The following ATP8A2 variants were observed in gnomAD, a reference collection of about 807,000 sequenced individuals.
ATP8A2 encodes phospholipid-transporting ATPase IB.
A neutral mutation model predicts 165.6 loss-of-function variants in ATP8A2; 100 were observed. The observed-to-expected ratio is 0.60, with a 90% CI of 0.51 to 0.71. The LOEUF is 0.71. Among genes scored for constraint, ATP8A2 ranks in the 30% least tolerant of loss-of-function variants. The pLI, the probability that ATP8A2 is intolerant of heterozygous loss-of-function variation, is 0.00. For missense variants in ATP8A2, 1,227 were observed against 1,479.5 expected, an observed-to-expected ratio of 0.83 and a Z score of 2.80; for synonymous variants, 543 against 548.8, an observed-to-expected ratio of 0.99 and a Z score of 0.15.
At chr13:25,384,449 C>G (rs1223747266) in intron 1 of ATP8A2, among the ~76,000 whole-genome samples, 5 of 152,188 alleles carry the variant, frequency 3.3e-5, no homozygotes, top group Non-Finnish European at 7.3e-5. Flanking sequence ...TAGAATTAGA[C>G]TGCTCTTGCC....
At chr13:25,745,918 C>G (rs1249781124) in intron 25 of ATP8A2, among the ~76,000 whole-genome samples, 1 of 152,186 alleles carries the variant, frequency 6.6e-6, no homozygotes, top group Non-Finnish European at 1.5e-5. Context: ...ATACATCACT[C>G]TGAATGTGAC....
At chr13:25,590,163 G>T (rs2040031111) in intron 24 of ATP8A2, among the ~76,000 whole-genome samples, 1 of 152,200 alleles carries the variant, frequency 6.6e-6, no homozygotes, top group Non-Finnish European at 1.5e-5. Context: ...AGTGGCTCAT[G>T]CCTGTAATCC....
intron 25 of ATP8A2, among the ~76,000 whole-genome samples, chr13:25,729,810 AAAC>A (rs1400386833): frequency 1.3e-5 from 2 of 152,190 alleles, no homozygotes; most frequent in African/African-American, 4.8e-5. Context: ...GTAGTTAAAG[AAAC>A]ATTGTTCGGG....
chr13:25,486,840 G>A (rs2137615470), intron 2 of ATP8A2, among the ~76,000 whole-genome samples: 1 of 152,258 alleles, frequency 6.6e-6, no homozygotes, highest in East Asian at 1.9e-4. Context: ...GGTGATGCAC[G>A]CCTGTGGTCC....
intron 2 of ATP8A2, among the ~76,000 whole-genome samples, chr13:25,487,209 C>T (rs1326805549): frequency 6.6e-6 from 1 of 152,142 alleles, no homozygotes; most frequent in Non-Finnish European, 1.5e-5. Flanking sequence ...TTCCAGTTCT[C>T]GTTCGTGGCA....
chr13:26,020,166 A>G lies in ATP8A2; in HGVS notation c.*181A>G, dbSNP rs1341295321. ...CTCGCAAACCTGGAGTGCAGACCAC[A>G]GGGGAAGCTATCTTTGCCCTCCCAA... On this transcript the variant is annotated 3_prime_UTR_variant, in exon 37 of 37. Transcript: ENST00000381655. 3 of 599,026 alleles carry G rather than the reference A, an allele frequency of 5.0e-6. No homozygotes were observed. Among genetic ancestry groups the G allele is most frequent in the Non-Finnish European group, 8.9e-6 (3 of 337,850 alleles). The allele number at this position is 599,026 out of a possible 1,614,324, so 37.1% of individuals were successfully genotyped here.
chr13:25,836,415 C>T (rs1951609073), intron 28 of ATP8A2, among the ~76,000 whole-genome samples: 2 of 152,182 alleles, frequency 1.3e-5, no homozygotes. Context: ...ACTCCTTCCT[C>T]GCCCACATCC....
chr13:25,817,878 ACT>A (rs1951071945), intron 27 of ATP8A2, among the ~76,000 whole-genome samples: 1 of 151,806 alleles, frequency 6.6e-6, no homozygotes, highest in South Asian at 2.1e-4. Flanking sequence ...ACAGGGTCTC[ACT>A]CTGTTGCCCA....
intron 24 of ATP8A2, among the ~76,000 whole-genome samples, chr13:25,636,317 TTG>T (rs2041366989): frequency 1.3e-5 from 2 of 152,256 alleles, no homozygotes; most frequent in Non-Finnish European, 2.9e-5. Context: ...AGTTGACAGA[TTG>T]TTATATTTTA....
chr13:25,415,031 A>G (rs778762703), intron 1 of ATP8A2, among the ~76,000 whole-genome samples: 2 of 152,242 alleles, frequency 1.3e-5, no homozygotes, highest in Non-Finnish European at 2.9e-5. Flanking sequence ...GAGATGGTAT[A>G]GAGAGATGGT....
chr13:25,436,398 AAGGGCCTCCAGCTACATCCATGTT>A (rs2034777406), intron 1 of ATP8A2, among the ~76,000 whole-genome samples: 1 of 152,150 alleles, frequency 6.6e-6, no homozygotes, highest in South Asian at 2.1e-4. Flanking sequence ...CACTTCAGAT[AAGGGCCTCCAGCTACATCCATGTT>A]GCTGCAAAGG....
At chr13:25,963,568 ACAT>A (rs1414909606) in intron 34 of ATP8A2, among the ~76,000 whole-genome samples, 4 of 152,320 alleles carry the variant, frequency 2.6e-5, no homozygotes, top group Admixed American at 2.0e-4. Flanking sequence ...TAAATAGGCC[ACAT>A]CAGCTGGCCT....
intron 25 of ATP8A2, among the ~76,000 whole-genome samples, chr13:25,745,788 A>G (rs2044018352): frequency 6.6e-6 from 1 of 152,258 alleles, no homozygotes. Context: ...TTCTTTAAGT[A>G]AGATTACTTT....
In ATP8A2 at chr13:25,886,663, G is replaced by T. The variant is rs560724683; in HGVS notation, c.3183+24255G>T. Among the ~76,000 whole-genome samples, 23 of 152,322 alleles carry T rather than the reference G, an allele frequency of 1.5e-4. 1 individual carries two copies. In the South Asian group the frequency reaches 3.7e-3, roughly 25 times the overall value. On this transcript the variant is annotated intron_variant, in intron 33 of 36. Transcript: ENST00000381655. Reference sequence around the variant, plus strand: ...AGAGCATCTCCCAGGCCCACTCCATGGAAATCTCTTCCAAGTGGCAGCCCA... The same window carrying T: ...AGAGCATCTCCCAGGCCCACTCCATTGAAATCTCTTCCAAGTGGCAGCCCA...
chr13:25,979,626 T>C (rs1956137448), intron 35 of ATP8A2, among the ~76,000 whole-genome samples: 2 of 152,220 alleles, frequency 1.3e-5, no homozygotes, highest in South Asian at 4.1e-4. Context: ...ATTGGCCTAA[T>C]GTGGGGCGAG....
chr13:25,820,725 C>T (rs1951158654), intron 27 of ATP8A2, among the ~76,000 whole-genome samples: 1 of 152,082 alleles, frequency 6.6e-6, no homozygotes, highest in South Asian at 2.1e-4. Context: ...TGTCAGAGAG[C>T]CATCGTTTAC....
intron 27 of ATP8A2, among the ~76,000 whole-genome samples, chr13:25,812,130 G>T (rs1201824505): frequency 6.6e-6 from 1 of 151,572 alleles, no homozygotes; most frequent in Non-Finnish European, 1.5e-5. Flanking sequence ...TAAAAAGTAT[G>T]ATTTTTTTTT....
chr13:25,582,227 T>C (rs2039795821), intron 23 of ATP8A2, among the ~76,000 whole-genome samples: 1 of 152,248 alleles, frequency 6.6e-6, no homozygotes, highest in South Asian at 2.1e-4. Context: ...GATTTTCTTA[T>C]TGCTTTCTTC....
intron 23 of ATP8A2, among the ~76,000 whole-genome samples, chr13:25,587,769 C>CT (rs1193355511): frequency 6.7e-6 from 1 of 148,554 alleles, no homozygotes; most frequent in Non-Finnish European, 1.5e-5. Flanking sequence ...TGGACCTAAT[C>CT]TAAGGACTTA....
Sources: gnomAD v4.1 joint callset for allele counts (sites outside exome capture counted in the v4.1 genomes callset) on GRCh38, gnomAD v4.1.1 for gene constraint, MANE v1.5 for transcripts, NCBI Gene and HGNC (gene_info 2026-07-23, HGNC 2026-07-21) for gene names.